Variants in EYA2 observed in about 807,000 individuals in gnomAD.
EYA2 encodes the protein protein phosphatase EYA2.
Under a neutral mutation model 69.2 loss-of-function variants are expected in EYA2, and 31 were observed. The observed-to-expected ratio is 0.45, with a 90% CI of 0.34 to 0.60. EYA2 has a LOEUF of 0.60. Ranked by LOEUF, EYA2 falls within the 20% of genes least tolerant of loss-of-function variation. The pLI is 0.02. For synonymous variants in EYA2, 257 were observed against 279.4 expected (o/e 0.92, Z 0.80); for missense variants, 622 against 701.2 (o/e 0.89, Z 1.28).
At chr20:47,094,913 G>GTCCCACTAT (rs2032200758) in intron 8 of EYA2, among the ~76,000 whole-genome samples, 2 of 152,114 alleles carry the variant, frequency 1.3e-5, no homozygotes, top group South Asian at 4.1e-4. Context: ...CATGCCTGTA[G>GTCCCACTAT]TCCCACTACT....
At chr20:47,106,898 G>A (rs4809624) in intron 9 of EYA2, among the ~76,000 whole-genome samples, 80,319 of 151,832 alleles carry the variant, frequency 0.53, 21,810 homozygotes, top group Non-Finnish European at 0.59. Flanking sequence ...CTCACATCTC[G>A]CCCATGTTCT....
intron 9 of EYA2, among the ~76,000 whole-genome samples, chr20:47,123,755 C>A (rs1487775064): frequency 1.3e-5 from 2 of 152,120 alleles, no homozygotes; most frequent in African/African-American, 4.8e-5. Flanking sequence ...CTTTGGGAGG[C>A]CGAGGCAGGC....
intron 1 of EYA2, among the ~76,000 whole-genome samples, chr20:46,964,851 G>A (rs1157445558): frequency 4.6e-5 from 7 of 152,160 alleles, no homozygotes; most frequent in African/African-American, 1.7e-4. Context: ...CAGTCATGTG[G>A]GAGCCAAGCT....
intron 1 of EYA2, among the ~76,000 whole-genome samples, chr20:46,934,851 G>A (rs1265124949): frequency 1.3e-5 from 2 of 152,184 alleles, no homozygotes; most frequent in Non-Finnish European, 2.9e-5. Context: ...TGAGGTTGGA[G>A]GATTGAGCAG....
At chr20:47,000,755 G>T (rs1158558656) in intron 2 of EYA2, among the ~76,000 whole-genome samples, 1 of 152,138 alleles carries the variant, frequency 6.6e-6, no homozygotes, top group African/African-American at 2.4e-5. Flanking sequence ...TTAGGTACTT[G>T]CATCAGGAGC....
At chr20:47,089,197 G>A (rs1362355242) in intron 7 of EYA2, 42 bp from the exon 8 acceptor site, 1 of 1,604,280 alleles carries the variant, frequency 6.2e-7, no homozygotes, top group Non-Finnish European at 8.5e-7. Context: ...GAGACACCCA[G>A]CAAAGCTTCT....
chr20:47,168,833 T>A (rs1271807786), intron 10 of EYA2, among the ~76,000 whole-genome samples: 1 of 152,196 alleles, frequency 6.6e-6, no homozygotes, highest in East Asian at 1.9e-4. Flanking sequence ...GGTTTGAACC[T>A]ATCCCCCTAG....
At chr20:46,903,148 G>A (rs752823300) in intron 1 of EYA2, among the ~76,000 whole-genome samples, 4 of 152,220 alleles carry the variant, frequency 2.6e-5, no homozygotes, top group Non-Finnish European at 5.9e-5. Context: ...CCAGAGGTGA[G>A]AAGGACCAAA....
intron 10 of EYA2, chr20:47,166,864 C>T (rs2034208628): frequency 6.6e-6 from 1 of 152,436 alleles, no homozygotes; most frequent in East Asian, 1.9e-4. Context: ...CGGTTGGATC[C>T]AGGATCCAGG....
At chr20:46,976,875 C>CA (rs1184191680) in intron 1 of EYA2, among the ~76,000 whole-genome samples, 10 of 149,990 alleles carry the variant, frequency 6.7e-5, no homozygotes, top group African/African-American at 2.5e-4. Flanking sequence ...TAGAGAACTC[C>CA]AGGCACGTGC....
At chr20:46,920,832 C>T (rs1985147069) in intron 1 of EYA2, among the ~76,000 whole-genome samples, 2 of 152,232 alleles carry the variant, frequency 1.3e-5, no homozygotes, top group South Asian at 2.1e-4. Context: ...GCTCAGGACT[C>T]ATCATCTCTC....
chr20:47,070,064 T>C (rs1432384096), intron 5 of EYA2, among the ~76,000 whole-genome samples: 8 of 152,132 alleles, frequency 5.3e-5, no homozygotes, highest in Non-Finnish European at 7.4e-5. Context: ...TACAATCTTT[T>C]GCTCTTCAAA....
chr20:46,972,918 C>A (rs1198747715), intron 1 of EYA2, among the ~76,000 whole-genome samples: 1 of 152,254 alleles, frequency 6.6e-6, no homozygotes, highest in African/African-American at 2.4e-5. Flanking sequence ...TGGAATATCT[C>A]TCTTCTTTCC....
In EYA2 at chr20:47,005,011, T is replaced by G. The variant is rs777798781; in HGVS notation, c.225T>G (p.Ser75Arg). ...CAGCCTACGGCCAGACGCAGTACAGTGCGGGGATCCAGCAGGCTACCCCCT... is the reference window on the plus strand; with the variant it reads ...CAGCCTACGGCCAGACGCAGTACAGGGCGGGGATCCAGCAGGCTACCCCCT... Reference protein sequence around the residue: ...AMAAYGQTQYSAGIQQATPYT... With the variant: ...AMAAYGQTQYRAGIQQATPYT... Residue 75 changes from serine (S) to arginine (R), a missense_variant, in exon 4 of 16, where the codon AGT becomes AGG. By Grantham distance (110) the Ser-to-Arg change is moderately radical (BLOSUM62 -1). Around this residue, in one of 2 missense-constraint regions of EYA2, gnomAD observed 365 missense variants for 349.7 expected, o/e 1.04. Coordinates refer to ENST00000327619, the MANE Select transcript of EYA2 (RefSeq NM_005244.5). The G allele has an allele frequency of 6.2e-6, 10 of 1,613,956 alleles. No homozygotes were observed. The highest frequency in any genetic ancestry group is 8.5e-6 in the Non-Finnish European group (10 of 1,179,990).
chr20:46,897,513 C>T (rs1206885709), intron 1 of EYA2, among the ~76,000 whole-genome samples: 1 of 152,212 alleles, frequency 6.6e-6, no homozygotes, highest in Non-Finnish European at 1.5e-5. Flanking sequence ...AGAAATCCAA[C>T]CGTAACCAGC....
intron 1 of EYA2, among the ~76,000 whole-genome samples, chr20:46,906,029 C>A (rs1600531042): frequency 6.6e-6 from 1 of 152,140 alleles, no homozygotes; most frequent in Non-Finnish European, 1.5e-5. Flanking sequence ...GATGTGGGCA[C>A]CCTTTCCACA....
At chr20:47,094,946 C>T (rs374272061) in intron 8 of EYA2, among the ~76,000 whole-genome samples, 86 of 152,174 alleles carry the variant, frequency 5.7e-4, no homozygotes, top group African/African-American at 1.7e-3. Flanking sequence ...GTGGGAGGAT[C>T]GCTTGAGCCT....
chr20:47,139,349 T>A (rs568545396), intron 9 of EYA2, among the ~76,000 whole-genome samples: 10 of 152,380 alleles, frequency 6.6e-5, no homozygotes, highest in Admixed American at 6.5e-4. Flanking sequence ...CAGTCCTCAG[T>A]GACTGCCCAC....
intron 1 of EYA2, among the ~76,000 whole-genome samples, chr20:46,955,219 C>T (rs1427265585): frequency 6.6e-6 from 1 of 151,728 alleles, no homozygotes; most frequent in Non-Finnish European, 1.5e-5. Flanking sequence ...TCACCGCAGC[C>T]TCCGCCTCCT....
Sources: gnomAD v4.1 joint callset for allele counts (sites outside exome capture counted in the v4.1 genomes callset) on GRCh38, gnomAD v4.1.1 for gene constraint, gnomAD v4.1.1 regional missense constraint, MANE v1.5 for transcripts, NCBI Gene and HGNC (gene_info 2026-07-23, HGNC 2026-07-21) for gene names.